The following SBK1 variants were observed in gnomAD, a reference collection of about 807,000 sequenced individuals.
SBK1 encodes serine/threonine-protein kinase SBK1.
A neutral mutation model predicts 24.4 loss-of-function variants in SBK1; 11 were observed. That is an observed-to-expected ratio of 0.45 (90% CI 0.28 to 0.75). The LOEUF (loss-of-function observed/expected upper bound fraction) is 0.75, where lower values mean the gene tolerates loss of function less well. Among genes scored for constraint, SBK1 ranks in the 30% least tolerant of loss-of-function variants. SBK1 has a pLI of 0.12. For synonymous variants in SBK1, 308 were observed against 284.4 expected, an observed-to-expected ratio of 1.08 and a Z score of -0.83; for missense variants, 467 against 620.5, an observed-to-expected ratio of 0.75 and a Z score of 2.63.
In SBK1 at chr16:28,320,754, G is replaced by T; in HGVS notation, c.1108G>T (p.Val370Phe). Residue 370 changes from valine to phenylalanine, a missense_variant, in exon 4 of 4, where the codon GTC becomes TTC. By Grantham distance (50) the Val-to-Phe change is conservative (BLOSUM62 -1). This residue lies in a region of SBK1 where 166 missense variants were observed against 146.8 expected (regional missense o/e 1.13). Transcript: ENST00000341901. This position sits in a 1 kb window ranked among gnomAD's most constrained non-coding sequence, Gnocchi z 8.5. ...GSGSRPAPPAVGSVPLPVPVP... is the reference protein window; with the variant it reads ...GSGSRPAPPAFGSVPLPVPVP... ...CGGCTCCCGGCCCGCGCCCCCCGCC[G>T]TCGGGTCGGTGCCCTTGCCCGTGCC... 7.8e-7 allele frequency: 1 copy of T among 1,277,266 alleles called. No individual in the cohort carries two copies. The highest frequency in any genetic ancestry group is 1.0e-6 in the Non-Finnish European group (1 of 1,002,694). 79.1% of individuals were successfully genotyped at this position (1,277,266 alleles called of 1,614,324 possible).
At chr16:28,272,888 G>A (rs781015410) in intron 1 of SBK1, among the ~76,000 whole-genome samples, 2 of 151,686 alleles carry the variant, frequency 1.3e-5, no homozygotes, top group African/African-American at 4.8e-5. Flanking sequence ...CCAAAGTGCT[G>A]GGATTACAGG....
chr16:28,318,290 G>A (rs1165014360), intron 2 of SBK1, among the ~76,000 whole-genome samples: 2 of 152,236 alleles, frequency 1.3e-5, no homozygotes, highest in Non-Finnish European at 2.9e-5. Flanking sequence ...AGCTGCACGC[G>A]CTTGGGTCCA....
chr16:28,309,964 G>C (rs2044743361), intron 1 of SBK1, among the ~76,000 whole-genome samples: 1 of 152,198 alleles, frequency 6.6e-6, no homozygotes, highest in Non-Finnish European at 1.5e-5. Context: ...CGATGAGTTG[G>C]GTGTCGTTTC....
Position 28,319,091 on chromosome 16 carries a change from C to G in SBK1, c.323C>G (p.Pro108Arg), listed in dbSNP as rs774322323. Residue 108 changes from proline to arginine, a missense_variant, in exon 3 of 4, where the codon CCC (proline) becomes CGC (arginine). Physicochemically the swap from Pro to Arg is moderately radical, Grantham distance 103 (BLOSUM62 -2). This residue lies in a region of SBK1 where 123 missense variants were observed against 158.2 expected (regional missense o/e 0.78). Transcript: ENST00000341901. This position sits in a 1 kb window ranked among gnomAD's most constrained non-coding sequence, Gnocchi z 4.0. ...ATCACCAACAGCCTCTCCTCCAGCC[C>G]CTTCATCATCAAGGTCTTTGACGTG... Reference protein sequence around the residue: ...VSITNSLSSSPFIIKVFDVVF... With the variant: ...VSITNSLSSSRFIIKVFDVVF... 18 of 1,614,082 alleles carry G rather than the reference C, an allele frequency of 1.1e-5. No homozygotes were observed. Among genetic ancestry groups the G allele is most frequent in the Non-Finnish European group, 1.2e-5 (14 of 1,179,976 alleles).
At chr16:28,312,140 G>A (rs376451239) in intron 1 of SBK1, among the ~76,000 whole-genome samples, 166 of 152,356 alleles carry the variant, frequency 1.1e-3, no homozygotes, top group African/African-American at 3.8e-3. Context: ...GCAGCCCAGC[G>A]TCTCCCTGTT....
intron 1 of SBK1, among the ~76,000 whole-genome samples, chr16:28,272,813 G>A (rs917078364): frequency 6.6e-6 from 1 of 151,268 alleles, no homozygotes; most frequent in Non-Finnish European, 1.5e-5. Context: ...GTAGAGATAG[G>A]GTTTCACCAT....
rs975693658 is a variant in SBK1, at chr16:28,259,290, C to T, written c.45C>T (p.Asp15=). ...GGCAAGTGCAGAGCCCTGAAGCCGA[C>T]GGGCTGCTGACCCTGGAGCGCCCTG... Residue 15 remains aspartate, a synonymous_variant, in exon 1 of 4, where the codon GAC becomes GAT. Coordinates refer to the SBK1 transcript ENST00000671413. The surrounding 1 kb of genome is among the most constrained non-coding windows in gnomAD (Gnocchi z 6.0). 10 of 173,808 alleles carry T rather than the reference C, an allele frequency of 5.8e-5. No individual in the cohort carries two copies. The highest frequency in any genetic ancestry group is 9.6e-5 in the African/African-American group (4 of 41,878). The allele number at this position is 173,808 out of a possible 1,614,324, so 10.8% of individuals were successfully genotyped here. A position where few individuals can be genotyped will look rare whatever the true frequency, so the allele number is the denominator to read the frequency against.
intron 2 of SBK1, 25 bp from the exon 3 acceptor site, chr16:28,318,970 A>G (rs770918115): frequency 6.3e-7 from 1 of 1,598,826 alleles, no homozygotes; most frequent in Non-Finnish European, 8.6e-7. Context: ...GGGGGCTTCA[A>G]CCCTGTTGCT....
intron 1 of SBK1, among the ~76,000 whole-genome samples, chr16:28,267,378 C>T (rs1179592073): frequency 6.6e-6 from 1 of 152,190 alleles, no homozygotes; most frequent in Admixed American, 6.5e-5. Context: ...TCTCTGACCA[C>T]ACCTGGGAAA....
At chr16:28,311,050 C>A (rs939219278) in intron 1 of SBK1, among the ~76,000 whole-genome samples, 1 of 151,860 alleles carries the variant, frequency 6.6e-6, no homozygotes, top group African/African-American at 2.4e-5. Flanking sequence ...TGACACCTTG[C>A]GGAGAAAAGG....
At chr16:28,263,197 T>C (rs1426490300) in intron 1 of SBK1, among the ~76,000 whole-genome samples, 2 of 152,222 alleles carry the variant, frequency 1.3e-5, no homozygotes. Flanking sequence ...ACTCAACAAA[T>C]TTCGTTGCAT....
chr16:28,265,378 C>T (rs1321790042), intron 1 of SBK1, among the ~76,000 whole-genome samples: 3 of 151,882 alleles, frequency 2.0e-5, no homozygotes, highest in African/African-American at 4.8e-5. Flanking sequence ...ATGATGGCGC[C>T]GCTATAGTCC....
At chr16:28,292,521 C>G (rs1410927138), upstream of SBK1, 1 of 978,612 alleles carries the variant, frequency 1.0e-6, no homozygotes, top group Non-Finnish European at 1.2e-6. Flanking sequence ...GAGGGCGGAG[C>G]CGCGATGCCG....
intron 1 of SBK1, among the ~76,000 whole-genome samples, chr16:28,296,174 G>A (rs1431918449): frequency 2.7e-5 from 4 of 149,012 alleles, no homozygotes; most frequent in Admixed American, 6.7e-5. Context: ...GGCTCGCTGC[G>A]ACCTCCACCT....
chr16:28,283,178 A>G (rs7203298), intron 1 of SBK1, among the ~76,000 whole-genome samples: 89,463 of 151,328 alleles, frequency 0.59, 26,900 homozygotes, highest in African/African-American at 0.62. Context: ...TGATCCACCC[A>G]CCTCGGCCTC....
chr16:28,314,977 C>T (rs1245638625), intron 1 of SBK1, among the ~76,000 whole-genome samples: 1 of 151,788 alleles, frequency 6.6e-6, no homozygotes, highest in Non-Finnish European at 1.5e-5. Flanking sequence ...GAAACTCCGT[C>T]TCAAAAAAAA....
At chr16:28,300,976 G>A (rs2044674836) in intron 1 of SBK1, among the ~76,000 whole-genome samples, 2 of 152,170 alleles carry the variant, frequency 1.3e-5, no homozygotes, top group South Asian at 4.1e-4. Flanking sequence ...GGTGAAGGAT[G>A]CAGCTGGAGA....
rs2044383455 is a variant in SBK1, at chr16:28,259,424, A to G, written c.179A>G (p.Asp60Gly). Reference sequence around the variant, plus strand: ...GCCTGGCCCATGGGCTGCGGAGTCGATGATGTGCCGGCCTTCTGCTTCGTC... The same window carrying G: ...GCCTGGCCCATGGGCTGCGGAGTCGGTGATGTGCCGGCCTTCTGCTTCGTC... The change falls in exon 1 of 4, where the codon GAT (aspartate) becomes GGT (glycine). Residue 60 changes from aspartate to glycine, a missense_variant. Coordinates refer to the SBK1 transcript ENST00000671413. The surrounding 1 kb of genome is among the most constrained non-coding windows in gnomAD (Gnocchi z 6.0). The G allele has an allele frequency of 1.0e-6, 1 of 985,886 alleles. No homozygotes were observed. Among genetic ancestry groups the G allele is most frequent in the Non-Finnish European group, 1.2e-6 (1 of 830,404 alleles). The allele number at this position is 985,886 out of a possible 1,614,324, so 61.1% of individuals were successfully genotyped here.
intron 1 of SBK1, among the ~76,000 whole-genome samples, chr16:28,280,139 A>ATGTGTGTGTGTGTG (rs1312773756): frequency 1.7e-5 from 1 of 58,640 alleles, no homozygotes; most frequent in Non-Finnish European, 4.4e-5. Flanking sequence ...ATATATATAT[A>ATGTGTGTGTGTGTG]TATATATATA....
Sources: allele counts gnomAD v4.1 joint callset (sites outside exome capture counted in the v4.1 genomes callset), GRCh38; gene constraint gnomAD v4.1.1; regional missense constraint gnomAD v4.1.1; non-coding constraint Gnocchi (gnomAD v3.1); transcripts MANE v1.5; gene names NCBI Gene and HGNC (gene_info 2026-07-23, HGNC 2026-07-21).